DSE: variants seen among roughly 807,000 people sequenced by gnomAD.
DSE encodes dermatan sulfate epimerase.
In DSE, 36 loss-of-function variants were observed where a neutral mutation model predicts 84.4. The ratio of observed to expected loss-of-function variants is 0.43; its 90% CI spans 0.33 to 0.56. DSE has a LOEUF of 0.56. Among genes scored for constraint, DSE ranks in the 20% least tolerant of loss-of-function variants. DSE has a pLI of 0.06. For synonymous variants in DSE, 410 were observed against 430.1 expected, an observed-to-expected ratio of 0.95 and a Z score of 0.58; for missense variants, 862 against 1,169.6, an observed-to-expected ratio of 0.74 and a Z score of 3.84.
At chr6:116,279,698 C>T (rs754519261) in intron 2 of DSE, 1 of 1,610,814 alleles carries the variant, frequency 6.2e-7, no homozygotes, top group Non-Finnish European at 8.5e-7. Context: ...TCCGCCATCA[C>T]CTGTGTCGCC....
chr6:116,326,739 A>G (rs1776642986), intron 2 of DSE, among the ~76,000 whole-genome samples: 1 of 152,208 alleles, frequency 6.6e-6, no homozygotes, highest in Admixed American at 6.5e-5. Context: ...GTGAAGACTT[A>G]ATGGAAAGAA....
At chr6:116,349,206 T>A (rs1241885121) in intron 2 of DSE, among the ~76,000 whole-genome samples, 1 of 152,158 alleles carries the variant, frequency 6.6e-6, no homozygotes, top group Non-Finnish European at 1.5e-5. Context: ...TATACATATA[T>A]CTACACACAC....
At chr6:116,351,194 T>G (rs1486651444) in intron 2 of DSE, among the ~76,000 whole-genome samples, 1 of 152,198 alleles carries the variant, frequency 6.6e-6, no homozygotes, top group African/African-American at 2.4e-5. Context: ...GATGGGAATG[T>G]TTTCCTTCAC....
At chr6:116,425,590 CT>C (rs930029166) in intron 2 of DSE, among the ~76,000 whole-genome samples, 2 of 149,078 alleles carry the variant, frequency 1.3e-5, no homozygotes, top group Admixed American at 6.9e-5. Flanking sequence ...CAATGTAATT[CT>C]TTTTTTTATT....
At chr6:116,272,906 CTATAT>C (rs1165906586) in intron 2 of DSE, among the ~76,000 whole-genome samples, 2 of 152,210 alleles carry the variant, frequency 1.3e-5, no homozygotes, top group Non-Finnish European at 2.9e-5. Context: ...TGTCTAACCT[CTATAT>C]TATAACTATA....
At chr6:116,409,271 G>GT (rs1782144840) in intron 2 of DSE, among the ~76,000 whole-genome samples, 2 of 151,860 alleles carry the variant, frequency 1.3e-5, no homozygotes, top group African/African-American at 2.4e-5. Flanking sequence ...TACTGTATTT[G>GT]TTTTTTTGTT....
chr6:116,349,166 A>G (rs998992674), intron 2 of DSE, among the ~76,000 whole-genome samples: 3 of 152,192 alleles, frequency 2.0e-5, no homozygotes, highest in Non-Finnish European at 2.9e-5. Context: ...ATATTTATAT[A>G]CACTAATATA....
chr6:116,284,502 C>G lies in DSE; in HGVS notation c.-54+25535C>G, dbSNP rs573770541. Among the ~76,000 whole-genome samples, 81 of 152,112 alleles carry G rather than the reference C, an allele frequency of 5.3e-4. 1 individual carries two copies. In the South Asian group the frequency reaches 0.016, roughly 30 times the overall value. On this transcript the variant is annotated intron_variant, in intron 2 of 3. Transcript: ENST00000430252. Reference sequence around the variant, plus strand: ...TACTCTCTGAACAAGTGTGAACTCACTTTCTTTTTTTTATTATTATTATTA... The same window carrying G: ...TACTCTCTGAACAAGTGTGAACTCAGTTTCTTTTTTTTATTATTATTATTA...
chr6:116,437,173 GGTT>G lies in DSE; in HGVS notation c.2709_2711del (p.Leu903del). ...CCATCACTGTCTGCTTCCTATACCAGGTTGTTCCTGATTCTGAACATTGCTATT... is the reference window on the plus strand; with the variant it reads ...CCATCACTGTCTGCTTCCTATACCAGGTTCCTGATTCTGAACATTGCTATT... On this transcript the variant is annotated inframe_deletion, in exon 6 of 6. Transcript: ENST00000644252. 6.2e-7 allele frequency: 1 copy of G among 1,614,164 alleles called. No individual in the cohort carries two copies. Among genetic ancestry groups the G allele is most frequent in the Middle Eastern group, 1.7e-4 (1 of 6,060 alleles).
At chr6:116,334,531 A>G (rs1375099142) in intron 2 of DSE, among the ~76,000 whole-genome samples, 1 of 152,056 alleles carries the variant, frequency 6.6e-6, no homozygotes, top group African/African-American at 2.4e-5. Context: ...GCTAGATCCC[A>G]TTTGTTATTT....
At chr6:116,423,055 G>A (rs1390636693) in intron 2 of DSE, 2 of 152,166 alleles carry the variant, frequency 1.3e-5, no homozygotes, top group Non-Finnish European at 2.9e-5. Flanking sequence ...GTAGCTGAAT[G>A]TCAGGACTTG....
rs1331841581 is a variant in DSE at position 116,436,246 on chromosome 6, C to G, written c.1778C>G (p.Pro593Arg). The G allele has an allele frequency of 6.2e-7, 1 of 1,614,108 alleles. No homozygotes were observed. Among genetic ancestry groups the G allele is most frequent in the Non-Finnish European group, 8.5e-7 (1 of 1,180,006 alleles). The change falls in exon 6 of 6, where the codon CCT becomes CGT. Residue 593 changes from proline (P) to arginine (R), a missense_variant. Physicochemically the swap from Pro to Arg is moderately radical, Grantham distance 103. Transcript: ENST00000644252. ...AGCTTCTTCCATAATGTGGATGTTC[C>G]TTTTGAGGAGACTGTGGTAGATGGT... is the stretch of plus-strand genomic sequence containing the variant. ...AASFFHNVDV[P>R]FEETVVDGVH...
At chr6:116,430,880 T>C in intron 3 of DSE, 74 bp from the exon 4 acceptor site, 8 of 1,571,648 alleles carry the variant, frequency 5.1e-6, no homozygotes, top group Non-Finnish European at 6.9e-6. Flanking sequence ...ACTCAGAGGG[T>C]TTTATTGGCC....
intron 2 of DSE, among the ~76,000 whole-genome samples, chr6:116,311,420 A>T (rs779445037): frequency 2.0e-5 from 3 of 152,204 alleles, no homozygotes; most frequent in Non-Finnish European, 2.9e-5. Context: ...AAGAAAGAAA[A>T]TGAGTTGTTT....
intron 2 of DSE, among the ~76,000 whole-genome samples, chr6:116,361,741 C>T (rs1778902311): frequency 6.6e-6 from 1 of 152,192 alleles, no homozygotes; most frequent in African/African-American, 2.4e-5. Context: ...AGTAGAAACA[C>T]ATTAACCATC....
chr6:116,268,337 T>C (rs1051332312), intron 2 of DSE, among the ~76,000 whole-genome samples: 3 of 152,228 alleles, frequency 2.0e-5, no homozygotes, highest in Non-Finnish European at 4.4e-5. Flanking sequence ...CTAGGAGCAA[T>C]AGACTATACC....
chr6:116,428,540 C>T (rs1056267472), intron 3 of DSE, among the ~76,000 whole-genome samples: 3 of 152,166 alleles, frequency 2.0e-5, no homozygotes, highest in African/African-American at 7.2e-5. Context: ...TTTTCCTATG[C>T]ATTTATTTTC....
In DSE at chr6:116,425,634, T is replaced by A. The variant is rs1011716520; in HGVS notation, c.417-940T>A. On this transcript the variant is annotated intron_variant, in intron 2 of 5. Coordinates refer to ENST00000644252, the MANE Select transcript of DSE (RefSeq NM_013352.4). ...ATTTATTTTTATTTTATTTTATTTT[T>A]TTTTTTGAGACGGAGTCTCGCTGTG... Among the ~76,000 whole-genome samples the A allele has an allele frequency of 1.3e-3, 200 of 149,040 alleles. 5 individuals carry two copies. Among genetic ancestry groups the A allele is most frequent in the Middle Eastern group, 0.01 (3 of 292 alleles).
chr6:116,396,338 C>T (rs1329904050), intron 1 of DSE, among the ~76,000 whole-genome samples: 1 of 152,130 alleles, frequency 6.6e-6, no homozygotes, highest in Non-Finnish European at 1.5e-5. Flanking sequence ...TCAACAAAAG[C>T]CTTAATAGCT....
Sources: allele counts gnomAD v4.1 joint callset (sites outside exome capture counted in the v4.1 genomes callset), GRCh38; gene constraint gnomAD v4.1.1; transcripts MANE v1.5; gene names NCBI Gene and HGNC (gene_info 2026-07-23, HGNC 2026-07-21).